CATSPERB: variants seen among roughly 807,000 people sequenced by gnomAD.
CATSPERB encodes cation channel sperm-associated auxiliary subunit beta.
In CATSPERB, 93 loss-of-function variants were observed where a neutral mutation model predicts 128.3. That is an observed-to-expected ratio of 0.72 (90% confidence interval 0.61 to 0.86). The LOEUF is 0.86. CATSPERB is among the 40% of genes least tolerant of loss of function. The pLI, the probability that CATSPERB is intolerant of heterozygous loss-of-function variation, is 0.00. For synonymous variants in CATSPERB, 381 were observed against 448.8 expected, an observed-to-expected ratio of 0.85 and a Z score of 1.91; for missense variants, 1,153 against 1,329.5, an observed-to-expected ratio of 0.87 and a Z score of 2.06.
At chr14:91,671,565 T>G (rs1395441416) in intron 13 of CATSPERB, among the ~76,000 whole-genome samples, 1 of 151,682 alleles carries the variant, frequency 6.6e-6, no homozygotes, top group African/African-American at 2.4e-5. Context: ...CACTCCAGCC[T>G]GGGCAGCAGA....
intron 22 of CATSPERB, among the ~76,000 whole-genome samples, chr14:91,599,738 C>T (rs1893578608): frequency 6.6e-6 from 1 of 151,926 alleles, no homozygotes; most frequent in Admixed American, 6.6e-5. Context: ...AAGGGGAGGA[C>T]AACTTGAAGC....
intron 14 of CATSPERB, among the ~76,000 whole-genome samples, chr14:91,660,850 C>T (rs1214249641): frequency 6.6e-6 from 1 of 152,152 alleles, no homozygotes; most frequent in Non-Finnish European, 1.5e-5. Flanking sequence ...TTTGAAAATT[C>T]GAAGCATTTA....
intron 4 of CATSPERB, among the ~76,000 whole-genome samples, chr14:91,722,781 C>T (rs751564410): frequency 1.3e-5 from 2 of 152,084 alleles, no homozygotes; most frequent in Non-Finnish European, 2.9e-5. Context: ...AAATTGACAT[C>T]AGATGGCAAC....
chr14:91,684,511 A>G (rs888753592), intron 10 of CATSPERB, among the ~76,000 whole-genome samples: 8 of 152,096 alleles, frequency 5.3e-5, no homozygotes, highest in Middle Eastern at 3.4e-3. Flanking sequence ...ACTTTTTTAC[A>G]TTTTTATAGA....
intron 5 of CATSPERB, among the ~76,000 whole-genome samples, chr14:91,715,484 G>A (rs940162930): frequency 1.9e-4 from 29 of 150,686 alleles, no homozygotes; most frequent in African/African-American, 2.4e-4. Flanking sequence ...CTCGGGAGGC[G>A]GAGGTTGTGG....
In CATSPERB at chr14:91,621,648, G is replaced by A. The variant is rs561653589; in HGVS notation, c.2220C>T (p.Asn740=). 1 of 1,611,000 alleles carries A rather than the reference G, an allele frequency of 6.2e-7. No homozygotes were observed. Among genetic ancestry groups the A allele is most frequent in the East Asian group, 2.2e-5 (1 of 44,842 alleles). Residue 740 remains asparagine (N), a synonymous_variant, in exon 19 of 27, where the codon AAC becomes AAT. Coordinates refer to ENST00000256343, the MANE Select transcript of CATSPERB (RefSeq NM_024764.4). Reference sequence around the variant, plus strand: ...TGACCTTAGCTTTTAAAACATAAGAGTTTCCCAGATCAATGTATTTCACGA... The same window carrying A: ...TGACCTTAGCTTTTAAAACATAAGAATTTCCCAGATCAATGTATTTCACGA... The part of the protein sequence containing the change: ...LNIVKYIDLG[N]SYVLKAKVIR...
At chr14:91,711,057 T>C (rs1895831990) in intron 5 of CATSPERB, among the ~76,000 whole-genome samples, 1 of 152,172 alleles carries the variant, frequency 6.6e-6, no homozygotes, top group Admixed American at 6.5e-5. Flanking sequence ...TCAGCGTATG[T>C]GAAACTTAAA....
intron 11 of CATSPERB, among the ~76,000 whole-genome samples, chr14:91,680,543 G>A (rs1005275847): frequency 7.9e-5 from 12 of 152,126 alleles, no homozygotes; most frequent in Non-Finnish European, 1.6e-4. Context: ...TGTTTAAAAG[G>A]AATTTTAAGG....
intron 22 of CATSPERB, chr14:91,592,256 C>G (rs987189027): frequency 2.2e-6 from 1 of 456,902 alleles, no homozygotes; most frequent in African/African-American, 2.0e-5. Flanking sequence ...TTGCATGGGA[C>G]CTAGAAAGCC....
At chr14:91,591,102 G>A (rs12879206) in intron 23 of CATSPERB, among the ~76,000 whole-genome samples, 19,641 of 152,066 alleles carry the variant, frequency 0.13, 1,486 homozygotes, top group Middle Eastern at 0.22. Context: ...CTGTCATCCA[G>A]GCTGGAGTGC....
Position 91,639,138 on chromosome 14 carries a change from T to G in CATSPERB, c.1545A>C (p.Gly515=). ...KLTLGRFEAS[G]PPTAFGNSRN... is the part of the protein sequence containing the mutation. ...TAGAATTTCCAAAGGCTGTGGGTGG[T>G]CCACTAGCTTCAAAGCGACCCAGAG... is the stretch of plus-strand genomic sequence containing the variant. The change falls in exon 16 of 27, where the codon GGA becomes GGC. Residue 515 remains glycine (G), a synonymous_variant. Coordinates refer to ENST00000256343, the MANE Select transcript of CATSPERB (RefSeq NM_024764.4). 6.2e-7 allele frequency: 1 copy of G among 1,614,092 alleles called. No homozygotes were observed.
intron 22 of CATSPERB, among the ~76,000 whole-genome samples, chr14:91,607,807 G>A (rs1475498896): frequency 1.3e-5 from 2 of 152,074 alleles, no homozygotes; most frequent in African/African-American, 2.4e-5. Context: ...GCTGCCCCAC[G>A]CTGCACTTTT....
chr14:91,606,571 A>AAAAT (rs1169265298), intron 22 of CATSPERB, among the ~76,000 whole-genome samples: 2 of 152,228 alleles, frequency 1.3e-5, no homozygotes, highest in Admixed American at 1.3e-4. Context: ...TCAAAACTAA[A>AAAAT]CAAAACAAAA....
At chr14:91,585,624 T>TGGA (rs1893284344) in intron 26 of CATSPERB, among the ~76,000 whole-genome samples, 1 of 152,250 alleles carries the variant, frequency 6.6e-6, no homozygotes, top group African/African-American at 2.4e-5. Flanking sequence ...TTACCTGTAC[T>TGGA]GCATGGAGCA....
At chr14:91,653,459 C>T (rs1311168257) in intron 15 of CATSPERB, among the ~76,000 whole-genome samples, 3 of 152,218 alleles carry the variant, frequency 2.0e-5, no homozygotes, top group East Asian at 1.9e-4. Flanking sequence ...TTTCATGCTG[C>T]TGATCAAGAC....
chr14:91,582,451 TA>T (rs1278517938), intron 26 of CATSPERB, among the ~76,000 whole-genome samples: 3 of 152,206 alleles, frequency 2.0e-5, no homozygotes, highest in African/African-American at 7.2e-5. Context: ...CCTAGGCAGA[TA>T]GGGGTGGGTC....
intron 14 of CATSPERB, among the ~76,000 whole-genome samples, chr14:91,664,200 G>A (rs920703225): frequency 6.7e-6 from 1 of 148,270 alleles, no homozygotes; most frequent in Non-Finnish European, 1.5e-5. Context: ...CATAAAGTTT[G>A]TAGCCTTTTC....
chr14:91,688,489 T>C (rs1428153138), intron 10 of CATSPERB, among the ~76,000 whole-genome samples: 1 of 152,172 alleles, frequency 6.6e-6, no homozygotes, highest in Non-Finnish European at 1.5e-5. Context: ...TCAGTTAATG[T>C]TCTTTCATTT....
At chr14:91,727,672 T>G (rs992123011) in intron 2 of CATSPERB, among the ~76,000 whole-genome samples, 1 of 152,224 alleles carries the variant, frequency 6.6e-6, no homozygotes, top group African/African-American at 2.4e-5. Flanking sequence ...ATCACTTCTC[T>G]GTTTAAAAAT....
Sources: allele counts gnomAD v4.1 joint callset (sites outside exome capture counted in the v4.1 genomes callset), GRCh38; gene constraint gnomAD v4.1.1; transcripts MANE v1.5; gene names NCBI Gene and HGNC (gene_info 2026-07-23, HGNC 2026-07-21).